FAM13A: variants seen among roughly 807,000 people sequenced by gnomAD.
The protein encoded by FAM13A is family with sequence similarity 13 member A, also known as protein FAM13A.
A neutral mutation model predicts 129.6 loss-of-function variants in FAM13A; 76 were observed. The observed-to-expected ratio is 0.59, with a 90% CI of 0.49 to 0.71. FAM13A has a LOEUF of 0.71. Ranked by LOEUF, FAM13A falls within the 30% of genes least tolerant of loss-of-function variation. The pLI is 0.00. For synonymous variants in FAM13A, 443 were observed against 449.9 expected, an observed-to-expected ratio of 0.98 and a Z score of 0.20; for missense variants, 1,108 against 1,249.3, an observed-to-expected ratio of 0.89 and a Z score of 1.70.
At position 88,946,002 on chromosome 4, in the gene FAM13A, A is replaced by G. The variant is rs867513608; in HGVS notation, c.606-7761T>C. ...TGTGTGTGTGTGTGTATATATATAT[A>G]TATATATATATATATATATATGTAA... On this transcript the variant is annotated intron_variant, in intron 4 of 23. Transcript: ENST00000264344. Among the ~76,000 whole-genome samples, 249 of 60,538 alleles carry G rather than the reference A, an allele frequency of 4.1e-3. 4 individuals carry two copies. Among genetic ancestry groups the G allele is most frequent in the Middle Eastern group, 0.015 (2 of 132 alleles). The allele number at this position is 60,538 out of a possible 152,430, so 39.7% of individuals were successfully genotyped here. A position where few individuals can be genotyped will look rare whatever the true frequency, so the allele number is the denominator to read the frequency against.
intron 4 of FAM13A, 187 bp downstream of exon 4, chr4:88,990,786 C>T: frequency 2.1e-6 from 1 of 466,438 alleles, no homozygotes; most frequent in Non-Finnish European, 3.8e-6. Flanking sequence ...GTAAAAAGGG[C>T]ATAGCTACCT....
chr4:88,746,806 C>G (rs1311629422), intron 19 of FAM13A, 126 bp downstream of exon 19: 3 of 661,982 alleles, frequency 4.5e-6, no homozygotes, highest in African/African-American at 1.8e-5. Context: ...ATATACTAAC[C>G]TCCTTTATCC....
In FAM13A at chr4:88,807,193, G is replaced by A. The variant is rs535347507; in HGVS notation, c.1008-2141C>T. Among the ~76,000 whole-genome samples the A allele has an allele frequency of 4.6e-5, 7 of 152,220 alleles. No homozygotes were observed. The East Asian group carries it at 1.4e-3, about 29-fold the overall frequency. On this transcript the variant is annotated intron_variant, in intron 7 of 23. Transcript: ENST00000264344. ...TTAGCAATATGCTTGATTTTCTTAAGTGCTTTTGAGAGATGATTTAAATGG... is the reference window on the plus strand; with the variant it reads ...TTAGCAATATGCTTGATTTTCTTAAATGCTTTTGAGAGATGATTTAAATGG...
At chr4:88,899,501 G>GTAAA (rs143609602) in intron 6 of FAM13A, among the ~76,000 whole-genome samples, 6,007 of 151,818 alleles carry the variant, frequency 0.04, 238 homozygotes, top group South Asian at 0.24. Context: ...AAGTAAGTAA[G>GTAAA]TAAATAAATA....
chr4:88,824,219 A>C (rs1429663362), intron 7 of FAM13A, among the ~76,000 whole-genome samples: 1 of 152,200 alleles, frequency 6.6e-6, no homozygotes, highest in African/African-American at 2.4e-5. Context: ...AGTTGTAAAA[A>C]ATTACAACAT....
chr4:89,004,104 C>T (rs905419277), intron 3 of FAM13A, among the ~76,000 whole-genome samples: 1 of 152,006 alleles, frequency 6.6e-6, no homozygotes, highest in Non-Finnish European at 1.5e-5. Flanking sequence ...ATTATATAGT[C>T]ATAAGCTACC....
At position 88,864,157 on chromosome 4, in the gene FAM13A, G is replaced by A. The variant is rs79343285; in HGVS notation, c.844-12974C>T. Among the ~76,000 whole-genome samples the A allele has an allele frequency of 3.7e-3, 559 of 152,284 alleles. 3 individuals are homozygous for A. Among genetic ancestry groups the A allele is most frequent in the Middle Eastern group, 6.8e-3 (2 of 294 alleles). ...ATTCTGAAAGAGTTTATACTCTACT[G>A]AAAGGTAAAAAGAGAAGTAGTCAAA... is the stretch of plus-strand genomic sequence containing the variant. On this transcript the variant is annotated intron_variant, in intron 6 of 23. Transcript: ENST00000264344.
In FAM13A at chr4:88,830,983, G is replaced by A. The variant is rs992563414; in HGVS notation, c.1007+20037C>T. On this transcript the variant is annotated intron_variant, in intron 7 of 23. Coordinates refer to ENST00000264344, the MANE Select transcript of FAM13A (RefSeq NM_014883.4). ...AAGTTGTATAGAAATTCATGTGGAT[G>A]CTTTTTTTTTTTTAAGTGAATTTCT... Among the ~76,000 whole-genome samples the A allele has an allele frequency of 7.5e-5, 11 of 146,264 alleles. No individual in the cohort carries two copies. The South Asian group carries it at 2.1e-3, about 28-fold the overall frequency.
At chr4:88,741,942 C>G (rs914030847) in intron 19 of FAM13A, among the ~76,000 whole-genome samples, 16 of 152,144 alleles carry the variant, frequency 1.1e-4, no homozygotes, top group African/African-American at 3.6e-4. Flanking sequence ...TGTAAAATGA[C>G]AGAATTTAGG....
chr4:88,854,765 G>T (rs756603071), intron 6 of FAM13A, among the ~76,000 whole-genome samples: 1 of 152,190 alleles, frequency 6.6e-6, no homozygotes, highest in African/African-American at 2.4e-5. Flanking sequence ...CTGCAAGTGC[G>T]CAGTAGCTCT....
chr4:88,897,362 G>A (rs976420373), intron 6 of FAM13A, among the ~76,000 whole-genome samples: 6 of 152,188 alleles, frequency 3.9e-5, no homozygotes, highest in African/African-American at 1.4e-4. Flanking sequence ...ATGGCACTGT[G>A]TAATAGATGT....
At chr4:88,875,373 A>C (rs1278382985) in intron 6 of FAM13A, among the ~76,000 whole-genome samples, 4 of 152,200 alleles carry the variant, frequency 2.6e-5, no homozygotes, top group Non-Finnish European at 4.4e-5. Flanking sequence ...AATGGGAGAA[A>C]ATTTTTGCAA....
At chr4:89,015,961 T>C (rs1336800336) in intron 3 of FAM13A, among the ~76,000 whole-genome samples, 3 of 152,134 alleles carry the variant, frequency 2.0e-5, no homozygotes, top group African/African-American at 7.2e-5. Flanking sequence ...CATACACATA[T>C]ACATACATAC....
chr4:88,750,496 T>A lies in FAM13A; in HGVS notation c.1868A>T (p.Tyr623Phe). 6.2e-7 allele frequency: 1 copy of A among 1,614,178 alleles called. No homozygotes were observed. Among genetic ancestry groups the A allele is most frequent in the Non-Finnish European group, 8.5e-7 (1 of 1,180,024 alleles). The change falls in exon 15 of 24, where the codon TAT becomes TTT. Residue 623 changes from tyrosine to phenylalanine, a missense_variant. Physicochemically the swap from Tyr to Phe is conservative, Grantham distance 22. This residue lies in a region of FAM13A where 529 missense variants were observed against 621.2 expected (regional missense o/e 0.85). Transcript: ENST00000264344. ...DPMLSPRFYA[Y>F]GQSRQYLDDT... ...ATCCAGGTATTGCCTGCTCTGCCCA[T>A]AAGCGTAGAACCGAGGAGAGAGCAT...
At chr4:88,898,448 A>C (rs1404118032) in intron 6 of FAM13A, among the ~76,000 whole-genome samples, 3 of 152,186 alleles carry the variant, frequency 2.0e-5, no homozygotes, top group Non-Finnish European at 4.4e-5. Context: ...AAGGGAAACC[A>C]TAATAGATAG....
intron 21 of FAM13A, among the ~76,000 whole-genome samples, chr4:88,735,585 A>T (rs1738817092): frequency 6.6e-6 from 1 of 152,338 alleles, no homozygotes; most frequent in South Asian, 2.1e-4. Context: ...TAGTTCATAT[A>T]CAGCTGGTTC....
At chr4:88,904,729 A>G (rs986317604) in intron 6 of FAM13A, among the ~76,000 whole-genome samples, 1 of 152,182 alleles carries the variant, frequency 6.6e-6, no homozygotes, top group South Asian at 2.1e-4. Context: ...ACCTTTACCT[A>G]TGTAACAACT....
intron 5 of FAM13A, among the ~76,000 whole-genome samples, chr4:88,907,519 G>A (rs1393090810): frequency 1.3e-5 from 2 of 152,170 alleles, no homozygotes; most frequent in African/African-American, 4.8e-5. Flanking sequence ...CCTAAAGAAA[G>A]TAACAACACT....
chr4:88,765,402 A>G (rs1343065484), intron 13 of FAM13A, among the ~76,000 whole-genome samples: 3 of 152,236 alleles, frequency 2.0e-5, no homozygotes, highest in Admixed American at 6.5e-5. Context: ...ATCTTATGCA[A>G]TGAGACCTGA....
Sources: allele counts gnomAD v4.1 joint callset (sites outside exome capture counted in the v4.1 genomes callset), GRCh38; gene constraint gnomAD v4.1.1; regional missense constraint gnomAD v4.1.1; transcripts MANE v1.5; gene names NCBI Gene and HGNC (gene_info 2026-07-23, HGNC 2026-07-21).